Variants in IREB2 observed in about 807,000 individuals in gnomAD.
IREB2 encodes iron-responsive element-binding protein 2.
Under a neutral mutation model 118.8 loss-of-function variants are expected in IREB2, and 39 were observed. That is an observed-to-expected ratio of 0.33 (90% confidence interval 0.25 to 0.43). IREB2 has a LOEUF of 0.43. IREB2 is among the 20% of genes least tolerant of loss of function. The probability of loss-of-function intolerance (pLI) is 1.00; values close to 1 mark genes in which losing one functional copy is unlikely to be tolerated. For synonymous variants in IREB2, 372 were observed against 392.2 expected (o/e 0.95, Z 0.61); for missense variants, 900 against 1,147.3 (o/e 0.78, Z 3.11).
intron 20 of IREB2, among the ~76,000 whole-genome samples, chr15:78,494,762 C>T (rs1566999521): frequency 1.3e-5 from 2 of 152,162 alleles, no homozygotes; most frequent in South Asian, 2.1e-4. Context: ...TTGTAGAGAT[C>T]GGATCTCTCT....
Position 78,453,776 on chromosome 15 carries a change from T to G in IREB2, c.107-9146T>G, listed in dbSNP as rs76175644. Among the ~76,000 whole-genome samples the G allele has an allele frequency of 8.8e-3, 1,339 of 152,280 alleles. 28 individuals are homozygous for G. The East Asian group carries it at 0.095, about 11-fold the overall frequency. ...GGTCCTCTAGAAGATAAATAGAGAT[T>G]AAATTTTAAGGAGAGTGGATGAAGA... On this transcript the variant is annotated intron_variant, in intron 2 of 21. Coordinates refer to ENST00000258886, the MANE Select transcript of IREB2 (RefSeq NM_004136.4).
chr15:78,445,139 T>A (rs979078684), intron 2 of IREB2, among the ~76,000 whole-genome samples: 1 of 91,966 alleles, frequency 1.1e-5, no homozygotes, highest in East Asian at 5.6e-4. Flanking sequence ...AGTCTTTATT[T>A]TTTTTTTTTT....
intron 13 of IREB2, among the ~76,000 whole-genome samples, chr15:78,486,754 C>T (rs184729217): frequency 1.2e-4 from 18 of 152,280 alleles, no homozygotes; most frequent in Admixed American, 3.3e-4. Flanking sequence ...ATTGCAGCCT[C>T]GACCTCCTAG....
At chr15:78,472,014 C>T in intron 7 of IREB2, 90 bp downstream of exon 7, 1 of 968,056 alleles carries the variant, frequency 1.0e-6, no homozygotes, top group Non-Finnish European at 1.5e-6. Context: ...GTTTGTATAG[C>T]CTCTTTGAGG....
intron 11 of IREB2, among the ~76,000 whole-genome samples, chr15:78,484,102 G>T (rs973464129): frequency 2.0e-5 from 3 of 151,854 alleles, no homozygotes; most frequent in Non-Finnish European, 4.4e-5. Context: ...CATAAAATTT[G>T]GTAAATGTGA....
rs771610728 is a variant in IREB2 at position 78,485,847 on chromosome 15, A to C, written c.1709+7A>C. 8.1e-6 allele frequency: 13 copies of C among 1,612,114 alleles called. No homozygotes were observed. The South Asian group carries it at 1.4e-4, about 18-fold the overall frequency. ...CATATCTAAGTAAGCTTGGGTAAGTAACAGCTATCGCACTTCATATTGATA... is the reference window on the plus strand; with the variant it reads ...CATATCTAAGTAAGCTTGGGTAAGTCACAGCTATCGCACTTCATATTGATA... On this transcript the variant is annotated splice_region_variant and intron_variant, in intron 13 of 21. Transcript: ENST00000258886.
chr15:78,471,010 A>T (rs1001378001), intron 6 of IREB2: 3 of 149,894 alleles, frequency 2.0e-5, no homozygotes, highest in Non-Finnish European at 3.0e-5. Context: ...TTATTATTTT[A>T]TTTATTTATT....
intron 7 of IREB2, among the ~76,000 whole-genome samples, chr15:78,472,513 C>T (rs537153348): frequency 3.9e-5 from 6 of 152,026 alleles, no homozygotes; most frequent in South Asian, 2.1e-4. Context: ...ACTACAGGCA[C>T]GTGCCACCAC....
At chr15:78,447,444 C>T (rs2050949772) in intron 2 of IREB2, among the ~76,000 whole-genome samples, 1 of 151,920 alleles carries the variant, frequency 6.6e-6, no homozygotes, top group Admixed American at 6.6e-5. Context: ...AATTCTCCTG[C>T]CTCAGCCTCC....
chr15:78,457,856 GATA>G (rs2051131658), intron 2 of IREB2, among the ~76,000 whole-genome samples: 1 of 151,782 alleles, frequency 6.6e-6, no homozygotes, highest in African/African-American at 2.4e-5. Flanking sequence ...TAATTTCTGT[GATA>G]ATATTTTCCT....
At position 78,476,292 on chromosome 15, in the gene IREB2, G is replaced by T; in HGVS notation, c.1128G>T (p.Pro376=). 1 of 1,608,286 alleles carries T rather than the reference G, an allele frequency of 6.2e-7. No individual in the cohort carries two copies. Among genetic ancestry groups the T allele is most frequent in the South Asian group, 1.1e-5 (1 of 90,544 alleles). The change falls in exon 9 of 22, where the codon CCG becomes CCT. Residue 376 remains proline, a synonymous_variant. Coordinates refer to ENST00000258886, the MANE Select transcript of IREB2 (RefSeq NM_004136.4). ...VDRTTIANMC[P]EYGAILSFFP... ...GAACTACAATAGCAAACATGTGTCC[G>T]GAATATGGTGCTATCCTCAGCTTTT...
intron 18 of IREB2, among the ~76,000 whole-genome samples, chr15:78,493,434 G>T (rs2051785261): frequency 1.3e-5 from 2 of 152,040 alleles, no homozygotes; most frequent in African/African-American, 4.8e-5. Flanking sequence ...ATGTATAAGT[G>T]GACCCACACA....
chr15:78,440,272 G>C (rs1288310714), intron 2 of IREB2, among the ~76,000 whole-genome samples: 1 of 152,066 alleles, frequency 6.6e-6, no homozygotes, highest in Non-Finnish European at 1.5e-5. Flanking sequence ...ACACATGTAA[G>C]CTACTGCGCC....
intron 2 of IREB2, among the ~76,000 whole-genome samples, chr15:78,460,318 A>C (rs770992095): frequency 8.5e-5 from 13 of 152,256 alleles, no homozygotes; most frequent in Admixed American, 2.6e-4. Context: ...AAAGGAGGAA[A>C]GATAATATTA....
intron 20 of IREB2, among the ~76,000 whole-genome samples, chr15:78,495,738 G>T (rs2051828440): frequency 6.6e-6 from 1 of 151,994 alleles, no homozygotes; most frequent in Admixed American, 6.6e-5. Flanking sequence ...ACAAAAATTG[G>T]TCCTCAGGTG....
At chr15:78,488,879 A>G in intron 16 of IREB2, 108 bp downstream of exon 16, 1 of 673,134 alleles carries the variant, frequency 1.5e-6, no homozygotes, top group Non-Finnish European at 2.3e-6. Flanking sequence ...TTTTGAATAC[A>G]GTTTTTAATG....
intron 18 of IREB2, 104 bp from the exon 19 acceptor site, chr15:78,493,805 G>A: frequency 8.6e-6 from 9 of 1,041,682 alleles, no homozygotes; most frequent in Non-Finnish European, 1.3e-5. Flanking sequence ...TTTTGTGTTT[G>A]AAATTTTCTG....
chr15:78,451,265 C>T (rs1260409956), intron 2 of IREB2, among the ~76,000 whole-genome samples: 5 of 151,930 alleles, frequency 3.3e-5, no homozygotes, highest in Non-Finnish European at 7.4e-5. Context: ...CGTGCTCAGC[C>T]TTCATTCACT....
intron 21 of IREB2, among the ~76,000 whole-genome samples, chr15:78,497,784 A>G (rs899032493): frequency 6.6e-6 from 1 of 152,222 alleles, no homozygotes; most frequent in Non-Finnish European, 1.5e-5. Flanking sequence ...AACTTCCCCA[A>G]TTAATAAGTC....
Sources: gnomAD v4.1 joint callset for allele counts (sites outside exome capture counted in the v4.1 genomes callset) on GRCh38, gnomAD v4.1.1 for gene constraint, MANE v1.5 for transcripts, NCBI Gene and HGNC (gene_info 2026-07-23, HGNC 2026-07-21) for gene names.